Variants in LRRTM4 observed in about 807,000 individuals in gnomAD.
The protein encoded by LRRTM4 is leucine-rich repeat transmembrane neuronal protein 4.
LRRTM4 carries 25 observed loss-of-function variants against 47.6 expected under a neutral mutation model. The observed-to-expected ratio is 0.53, with a 90% CI of 0.38 to 0.73. The LOEUF (loss-of-function observed/expected upper bound fraction) is 0.73, where lower values mean the gene tolerates loss of function less well. Ranked by LOEUF, LRRTM4 falls within the 30% of genes least tolerant of loss-of-function variation. The pLI is 0.00. For missense variants in LRRTM4, 638 were observed against 713.4 expected (o/e 0.89, Z 1.20); for synonymous variants, 311 against 269.5 (o/e 1.15, Z -1.51).
chr2:77,349,291 C>T (rs977612387), intron 3 of LRRTM4, among the ~76,000 whole-genome samples: 2 of 151,312 alleles, frequency 1.3e-5, no homozygotes, highest in Non-Finnish European at 3.0e-5. Flanking sequence ...CTTAGAAAAA[C>T]AGATGGGAAT....
chr2:76,940,083 A>C (rs1213321589), intron 3 of LRRTM4, among the ~76,000 whole-genome samples: 1 of 152,082 alleles, frequency 6.6e-6, no homozygotes, highest in East Asian at 1.9e-4. Flanking sequence ...CAGTGTGTCC[A>C]CTCCTCAAAG....
At chr2:77,276,331 AGG>A (rs1186114739) in intron 3 of LRRTM4, among the ~76,000 whole-genome samples, 282 of 140,410 alleles carry the variant, frequency 2.0e-3, no homozygotes, top group African/African-American at 7.2e-3. Flanking sequence ...GAAGGAAGGA[AGG>A]AAGGAAGGAA....
chr2:76,801,640 T>C (rs1022258922), intron 3 of LRRTM4, among the ~76,000 whole-genome samples: 1 of 151,940 alleles, frequency 6.6e-6, no homozygotes, highest in Non-Finnish European at 1.5e-5. Flanking sequence ...AATGTGCACA[T>C]GTACCCTAAA....
At chr2:77,307,642 ATATATC>A in intron 3 of LRRTM4, among the ~76,000 whole-genome samples, 1 of 54,824 alleles carries the variant, frequency 1.8e-5, no homozygotes, top group African/African-American at 1.9e-4. Flanking sequence ...AAATATATAG[ATATATC>A]TATATATTAT....
chr2:76,760,073 T>C (rs970533698), intron 3 of LRRTM4, among the ~76,000 whole-genome samples: 5 of 152,140 alleles, frequency 3.3e-5, no homozygotes, highest in African/African-American at 4.8e-5. Flanking sequence ...ATGTATGAAT[T>C]TGAGAGATAT....
intron 3 of LRRTM4, among the ~76,000 whole-genome samples, chr2:77,267,753 T>G (rs1676087118): frequency 6.6e-6 from 1 of 151,896 alleles, no homozygotes; most frequent in African/African-American, 2.4e-5. Context: ...GTTTGGACTA[T>G]ACATTTTATG....
intron 3 of LRRTM4, among the ~76,000 whole-genome samples, chr2:77,312,034 G>T (rs1347141562): frequency 6.6e-6 from 1 of 151,966 alleles, no homozygotes; most frequent in Non-Finnish European, 1.5e-5. Flanking sequence ...GAGTGTTGAT[G>T]AGTTCCCATA....
chr2:77,293,239 T>C (rs950179108), intron 3 of LRRTM4, among the ~76,000 whole-genome samples: 10 of 152,124 alleles, frequency 6.6e-5, no homozygotes, highest in Non-Finnish European at 1.5e-4. Flanking sequence ...AAGTTCTGAC[T>C]ATAACCAAAA....
intron 3 of LRRTM4, among the ~76,000 whole-genome samples, chr2:77,035,294 G>C (rs1466450882): frequency 6.7e-6 from 1 of 148,428 alleles, no homozygotes; most frequent in Non-Finnish European, 1.5e-5. Flanking sequence ...CAAAAAACCA[G>C]AAGAATCCTG....
At chr2:76,972,419 T>TTG (rs1410309585) in intron 3 of LRRTM4, among the ~76,000 whole-genome samples, 5 of 139,658 alleles carry the variant, frequency 3.6e-5, no homozygotes, top group Admixed American at 3.5e-4. Flanking sequence ...ACACTTTTTT[T>TTG]TTTTTTTTTT....
chr2:76,872,728 A>G (rs550623019), intron 3 of LRRTM4, among the ~76,000 whole-genome samples: 2 of 151,814 alleles, frequency 1.3e-5, no homozygotes, highest in African/African-American at 4.8e-5. Flanking sequence ...TTTGTTTCCT[A>G]ATGTAGGAGG....
At chr2:76,867,017 A>C (rs1672487706) in intron 3 of LRRTM4, among the ~76,000 whole-genome samples, 1 of 152,112 alleles carries the variant, frequency 6.6e-6, no homozygotes, top group Non-Finnish European at 1.5e-5. Context: ...AGAGTTGAAC[A>C]ATGAGAATAC....
chr2:76,804,642 CTATA>C (rs944996507), intron 3 of LRRTM4, among the ~76,000 whole-genome samples: 1 of 123,006 alleles, frequency 8.1e-6, no homozygotes, highest in Non-Finnish European at 1.8e-5. Flanking sequence ...CATATATATA[CTATA>C]TATATAGTAA....
chr2:77,031,132 T>G (rs1336578347), intron 3 of LRRTM4, among the ~76,000 whole-genome samples: 1 of 152,110 alleles, frequency 6.6e-6, no homozygotes, highest in African/African-American at 2.4e-5. Context: ...TATTATAATT[T>G]TTCTGTTATT....
chr2:77,168,895 T>C (rs1038173992), intron 3 of LRRTM4, among the ~76,000 whole-genome samples: 1 of 152,152 alleles, frequency 6.6e-6, no homozygotes, highest in Admixed American at 6.6e-5. Context: ...CAAGTGAAAT[T>C]TATCCCAGGG....
At chr2:77,376,276 G>T (rs1293805438) in intron 3 of LRRTM4, among the ~76,000 whole-genome samples, 2 of 151,552 alleles carry the variant, frequency 1.3e-5, no homozygotes, top group Admixed American at 1.3e-4. Context: ...CATACCAAGA[G>T]TTCCAGTATA....
chr2:77,373,444 C>T (rs1672723336), intron 3 of LRRTM4, among the ~76,000 whole-genome samples: 1 of 151,660 alleles, frequency 6.6e-6, no homozygotes, highest in African/African-American at 2.4e-5. Flanking sequence ...TAGAATGGGG[C>T]AGCTGTCCTT....
chr2:77,109,294 A>G (rs1361186751), intron 3 of LRRTM4, among the ~76,000 whole-genome samples: 1 of 152,242 alleles, frequency 6.6e-6, no homozygotes, highest in Admixed American at 6.5e-5. Context: ...TGAACACTGT[A>G]AAACTTGTAA....
intron 3 of LRRTM4, among the ~76,000 whole-genome samples, chr2:76,766,759 T>G (rs1392215442): frequency 6.6e-6 from 1 of 152,220 alleles, no homozygotes; most frequent in Non-Finnish European, 1.5e-5. Context: ...TTTTTAGCAG[T>G]GTCTGGAGAC....
Sources: allele counts gnomAD v4.1 joint callset (sites outside exome capture counted in the v4.1 genomes callset), GRCh38; gene constraint gnomAD v4.1.1; transcripts MANE v1.5; gene names NCBI Gene and HGNC (gene_info 2026-07-23, HGNC 2026-07-21).